CFAP299: variants seen among roughly 807,000 people sequenced by gnomAD.
The protein encoded by CFAP299 is cilia and flagella associated protein 299.
Under a neutral mutation model 27.0 loss-of-function variants are expected in CFAP299, and 21 were observed. The ratio of observed to expected loss-of-function variants is 0.78; its 90% CI spans 0.55 to 1.12. The LOEUF is 1.12. CFAP299 is among the 50% of genes most tolerant of loss of function. The probability of loss-of-function intolerance (pLI) is 0.00; values close to 1 mark genes in which losing one functional copy is unlikely to be tolerated. For missense variants in CFAP299, 310 were observed against 276.6 expected (o/e 1.12, Z -0.86); for synonymous variants, 104 against 98.1 (o/e 1.06, Z -0.36).
chr4:80,359,523 A>T (rs191100038), intron 1 of CFAP299, among the ~76,000 whole-genome samples: 40 of 151,926 alleles, frequency 2.6e-4, no homozygotes, highest in Middle Eastern at 3.4e-3. Context: ...ATTCCTTTCC[A>T]TTCTTTTCTC....
chr4:80,352,635 G>A lies in CFAP299; in HGVS notation c.112-10119G>A, dbSNP rs560313514. 4.6e-5 allele frequency among the ~76,000 whole-genome samples: 7 copies of A among 152,116 alleles called. No individual in the cohort carries two copies. In the South Asian group the frequency reaches 1.5e-3, roughly 32 times the overall value. ...TACCTATTCTTTTCAAATGCACATG[G>A]GACATTTATGAAGAAGGACCATATG... is the stretch of plus-strand genomic sequence containing the variant. On this transcript the variant is annotated intron_variant, in intron 1 of 5. Transcript: ENST00000358105.
chr4:80,860,958 T>G (rs1732300251), intron 3 of CFAP299, among the ~76,000 whole-genome samples: 1 of 152,176 alleles, frequency 6.6e-6, no homozygotes, highest in Non-Finnish European at 1.5e-5. Context: ...ACAGGGACAT[T>G]TAAGTCTGCA....
intron 3 of CFAP299, among the ~76,000 whole-genome samples, chr4:80,863,683 T>A (rs1224215583): frequency 6.6e-6 from 1 of 152,156 alleles, no homozygotes; most frequent in African/African-American, 2.4e-5. Context: ...AATAAATAGA[T>A]CCGTATTCAT....
intron 3 of CFAP299, among the ~76,000 whole-genome samples, chr4:80,708,621 C>T (rs1721957532): frequency 6.6e-6 from 1 of 152,084 alleles, no homozygotes; most frequent in Non-Finnish European, 1.5e-5. Flanking sequence ...ATATTTTTAA[C>T]ATACTGAAAG....
chr4:80,493,674 C>T (rs928476545), intron 2 of CFAP299, among the ~76,000 whole-genome samples: 1 of 151,688 alleles, frequency 6.6e-6, no homozygotes, highest in Non-Finnish European at 1.5e-5. Flanking sequence ...ATATTCAATA[C>T]CATAGCTACA....
At chr4:80,701,204 T>A (rs1021352271) in intron 3 of CFAP299, among the ~76,000 whole-genome samples, 1 of 151,954 alleles carries the variant, frequency 6.6e-6, no homozygotes, top group African/African-American at 2.4e-5. Context: ...GAGCATAAAA[T>A]AGTTGAGGAT....
intron 2 of CFAP299, among the ~76,000 whole-genome samples, chr4:80,485,430 G>A (rs1364889956): frequency 2.6e-5 from 4 of 151,864 alleles, no homozygotes; most frequent in African/African-American, 9.7e-5. Context: ...GACTAAAAGA[G>A]AATTCCAGAA....
intron 2 of CFAP299, among the ~76,000 whole-genome samples, chr4:80,535,419 C>T (rs1384893761): frequency 7.6e-5 from 5 of 65,584 alleles, no homozygotes; most frequent in African/African-American, 1.4e-4. Context: ...GGCGTGAACC[C>T]GGGAGGCGGA....
chr4:80,445,914 A>G (rs1728594126), intron 2 of CFAP299, among the ~76,000 whole-genome samples: 1 of 152,184 alleles, frequency 6.6e-6, no homozygotes, highest in African/African-American at 2.4e-5. Flanking sequence ...ATTGTATGCT[A>G]AAGATGTGTG....
At chr4:80,419,196 G>T (rs1727165586) in intron 2 of CFAP299, among the ~76,000 whole-genome samples, 1 of 151,500 alleles carries the variant, frequency 6.6e-6, no homozygotes. Context: ...ACACTTGGAA[G>T]AGGGCCAAGG....
chr4:80,700,609 G>C (rs1721413709), intron 3 of CFAP299, among the ~76,000 whole-genome samples: 1 of 152,016 alleles, frequency 6.6e-6, no homozygotes, highest in African/African-American at 2.4e-5. Flanking sequence ...GAGAATGCAA[G>C]ATTGCCTTCT....
rs553996490 is a variant in CFAP299, at chr4:80,454,000, G to A, written c.242+91116G>A. ...TGGTTTAAGATAGCATACTGATCAC[G>A]TGTTGTTATGTCCTTTACCATCTCA... On this transcript the variant is annotated intron_variant, in intron 2 of 5. Transcript: ENST00000358105. Among the ~76,000 whole-genome samples the A allele has an allele frequency of 5.3e-4, 81 of 152,054 alleles. 1 individual carries two copies. The highest frequency in any genetic ancestry group is 1.8e-3 in the African/African-American group (76 of 41,488).
At chr4:80,776,299 C>T (rs994765590) in intron 3 of CFAP299, among the ~76,000 whole-genome samples, 2 of 152,116 alleles carry the variant, frequency 1.3e-5, no homozygotes, top group African/African-American at 4.8e-5. Context: ...ATAGTGGTTG[C>T]TCCACTTCTT....
In CFAP299 at chr4:80,388,349, A is replaced by G; in HGVS notation, c.242+25465A>G. ...CCCCTGGATCAGTGGGGACAGGGGC[A>G]CTGTGATGTATGTAGAGATCTGGCA... is the stretch of plus-strand genomic sequence containing the variant. On this transcript the variant is annotated intron_variant, in intron 2 of 5. Transcript: ENST00000358105. 4.4e-6 allele frequency: 3 copies of G among 681,836 alleles called. No homozygotes were observed. The South Asian group carries it at 4.9e-5, about 11-fold the overall frequency. 42.2% of individuals were successfully genotyped at this position (681,836 alleles called of 1,614,324 possible). A position where few individuals can be genotyped will look rare whatever the true frequency, so the allele number is the denominator to read the frequency against.
intron 3 of CFAP299, among the ~76,000 whole-genome samples, chr4:80,828,610 C>G (rs772418310): frequency 7.2e-5 from 11 of 151,864 alleles, no homozygotes; most frequent in Non-Finnish European, 1.3e-4. Context: ...AGCCCCTCCC[C>G]CTACCCTGAT....
intron 2 of CFAP299, among the ~76,000 whole-genome samples, chr4:80,376,808 C>G (rs536078216): frequency 8.1e-4 from 124 of 152,278 alleles, no homozygotes; most frequent in African/African-American, 2.9e-3. Context: ...GTGCCCGCCA[C>G]CACGCCTGGC....
At chr4:80,913,797 A>G (rs1735602711) in intron 4 of CFAP299, among the ~76,000 whole-genome samples, 2 of 152,228 alleles carry the variant, frequency 1.3e-5, no homozygotes, top group Admixed American at 6.5e-5. Context: ...CGCCACAATT[A>G]AGATATAGAA....
At chr4:80,924,772 T>C (rs1358905067) in intron 4 of CFAP299, among the ~76,000 whole-genome samples, 2 of 151,414 alleles carry the variant, frequency 1.3e-5, no homozygotes, top group Non-Finnish European at 3.0e-5. Flanking sequence ...TTATAAGTAT[T>C]ATACTCTTTC....
At chr4:80,756,655 C>T (rs1725255090) in intron 3 of CFAP299, among the ~76,000 whole-genome samples, 1 of 152,098 alleles carries the variant, frequency 6.6e-6, no homozygotes, top group African/African-American at 2.4e-5. Flanking sequence ...AACAAAGCCA[C>T]ACACTCATTT....
Sources: gnomAD v4.1 joint callset for allele counts (sites outside exome capture counted in the v4.1 genomes callset) on GRCh38, gnomAD v4.1.1 for gene constraint, MANE v1.5 for transcripts, NCBI Gene and HGNC (gene_info 2026-07-23, HGNC 2026-07-21) for gene names.